Variants in EXD2 observed in about 807,000 individuals in gnomAD.
EXD2 encodes the protein exonuclease 3'-5' domain-containing protein 2.
Under a neutral mutation model 62.5 loss-of-function variants are expected in EXD2, and 40 were observed. The observed-to-expected ratio is 0.64, with a 90% confidence interval of 0.50 to 0.83. The LOEUF (loss-of-function observed/expected upper bound fraction) is 0.83. Ranked by LOEUF, EXD2 falls within the 40% of genes least tolerant of loss-of-function variation. The pLI, the probability that EXD2 is intolerant of heterozygous loss-of-function variation, is 0.00. For synonymous variants in EXD2, 239 were observed against 291.9 expected, an observed-to-expected ratio of 0.82 and a Z score of 1.85; for missense variants, 671 against 761.8, an observed-to-expected ratio of 0.88 and a Z score of 1.40.
At chr14:69,229,104 A>G (rs1211315879) in intron 4 of EXD2, 32 bp downstream of exon 4, 13 of 1,609,460 alleles carry the variant, frequency 8.1e-6, no homozygotes, top group Non-Finnish European at 1.1e-5. Flanking sequence ...GGATTCCTAT[A>G]GCTGCGGGAC....
chr14:69,231,978 C>A (rs1215964584), intron 5 of EXD2, among the ~76,000 whole-genome samples: 1 of 145,742 alleles, frequency 6.9e-6, no homozygotes, highest in African/African-American at 2.5e-5. Flanking sequence ...AGTTTCTCCA[C>A]AGATGAATCT....
chr14:69,237,727 A>C lies in EXD2; in HGVS notation c.1445A>C (p.Gln482Pro), dbSNP rs2140045188. The C allele has an allele frequency of 3.1e-6, 5 of 1,614,050 alleles. No individual in the cohort carries two copies. In the South Asian group the frequency reaches 5.5e-5, roughly 18 times the overall value. The change falls in exon 9 of 10, where the codon CAG (glutamine) becomes CCG (proline). Residue 482 changes from glutamine (Q) to proline (P), a missense_variant. Physicochemically the swap from Gln to Pro is moderately conservative, Grantham distance 76 (BLOSUM62 -1). Transcript: ENST00000685843. The part of the protein sequence containing the change: ...HLKQQLAKEF[Q>P]APIGSEEGLR... ...AAGCAGCAGCTGGCCAAGGAGTTCC[A>C]GGCCCCCATCGGCTCTGAGGAGGGC...
In EXD2 at chr14:69,212,268, T is replaced by C. The variant is rs145353398; in HGVS notation, c.333+2465T>C. Among the ~76,000 whole-genome samples the C allele has an allele frequency of 2.1e-3, 319 of 152,086 alleles. 3 individuals carry two copies. Among genetic ancestry groups the C allele is most frequent in the African/African-American group, 7.2e-3 (297 of 41,476 alleles). On this transcript the variant is annotated intron_variant, in intron 3 of 9. Transcript: ENST00000685843. ...AGCAGGCGCCTGTAATCCTAGCTAC[T>C]TGGGAGGCTGAGGCAGGAGAATTGC...
At chr14:69,197,239 A>T (rs1222837014) in intron 1 of EXD2, among the ~76,000 whole-genome samples, 1 of 152,244 alleles carries the variant, frequency 6.6e-6, no homozygotes, top group African/African-American at 2.4e-5. Context: ...ATATTAAAAA[A>T]TAAAGAACAG....
chr14:69,199,117 G>A (rs759012657), intron 1 of EXD2, among the ~76,000 whole-genome samples: 1 of 152,160 alleles, frequency 6.6e-6, no homozygotes, highest in Non-Finnish European at 1.5e-5. Context: ...GGTGGCACAC[G>A]CCTGTAGCCC....
intron 1 of EXD2, among the ~76,000 whole-genome samples, chr14:69,202,624 C>T (rs1456328614): frequency 6.6e-6 from 1 of 151,894 alleles, no homozygotes; most frequent in Non-Finnish European, 1.5e-5. Flanking sequence ...GAATGAATCC[C>T]TTGGCTGGAA....
At chr14:69,214,113 T>C (rs1007579089) in intron 3 of EXD2, 3 of 152,206 alleles carry the variant, frequency 2.0e-5, no homozygotes, top group African/African-American at 7.2e-5. Flanking sequence ...TAGTATTCCA[T>C]TGCCTTCTGG....
chr14:69,201,805 C>T (rs2042416052), intron 1 of EXD2, among the ~76,000 whole-genome samples: 3 of 151,386 alleles, frequency 2.0e-5, no homozygotes, highest in African/African-American at 4.9e-5. Context: ...GCCTCAGCCT[C>T]CTGAGTAGCT....
At chr14:69,191,941 A>G (rs1297527909) in intron 1 of EXD2, 1 of 152,112 alleles carries the variant, frequency 6.6e-6, no homozygotes, top group Non-Finnish European at 1.5e-5. Context: ...TGCGTGTCCC[A>G]GTCAGCTAAA....
intron 3 of EXD2, among the ~76,000 whole-genome samples, chr14:69,216,045 T>C (rs770141683): frequency 6.6e-6 from 1 of 152,222 alleles, no homozygotes; most frequent in Non-Finnish European, 1.5e-5. Flanking sequence ...TCTCCCCATG[T>C]CATTTTCTTG....
intron 3 of EXD2, among the ~76,000 whole-genome samples, chr14:69,220,882 A>G (rs2043162732): frequency 1.3e-5 from 2 of 151,990 alleles, no homozygotes; most frequent in South Asian, 4.2e-4. Context: ...TCAATCAATC[A>G]ATAAGAGATA....
intron 5 of EXD2, among the ~76,000 whole-genome samples, chr14:69,233,958 G>A (rs1594779387): frequency 6.6e-6 from 1 of 152,008 alleles, no homozygotes. Context: ...GTAGAGACAG[G>A]GTTTCACCAT....
Position 69,193,250 on chromosome 14 carries a change from G to A in EXD2, c.-132+1659G>A, listed in dbSNP as rs541872910. ...ATTTTTGTATTTTTAGTAGAGACGG[G>A]GTTTCACCGTATTTGCCAGGCTGGT... is the stretch of plus-strand genomic sequence containing the variant. On this transcript the variant is annotated intron_variant, in intron 1 of 9. Transcript: ENST00000685843. 1.1e-4 allele frequency among the ~76,000 whole-genome samples: 17 copies of A among 152,176 alleles called. No individual in the cohort carries two copies. In the East Asian group the frequency reaches 3.3e-3, roughly 29 times the overall value.
intron 1 of EXD2, among the ~76,000 whole-genome samples, chr14:69,200,438 A>C (rs557302811): frequency 6.6e-6 from 1 of 152,272 alleles, no homozygotes; most frequent in East Asian, 1.9e-4. Flanking sequence ...GTGGTGGCTC[A>C]GGCCTGTAAT....
At chr14:69,240,805 G>T in intron 9 of EXD2, 79 bp from the exon 10 acceptor site, 1 of 1,266,888 alleles carries the variant, frequency 7.9e-7, no homozygotes. Flanking sequence ...GTTACCCTTG[G>T]CGCGCAGCAT....
intron 5 of EXD2, among the ~76,000 whole-genome samples, chr14:69,234,273 A>G (rs1420188923): frequency 3.3e-5 from 5 of 152,192 alleles, no homozygotes; most frequent in Admixed American, 2.6e-4. Context: ...AGGCCTCTTA[A>G]TGAATCATGA....
intron 3 of EXD2, chr14:69,210,044 T>C (rs935307171): frequency 2.3e-5 from 8 of 345,298 alleles, no homozygotes; most frequent in Admixed American, 8.7e-5. Flanking sequence ...TCCCCACTTA[T>C]CATTCCGTGA....
chr14:69,209,946 C>A, intron 3 of EXD2, 143 bp downstream of exon 3: 1 of 651,696 alleles, frequency 1.5e-6, no homozygotes, highest in Non-Finnish European at 2.4e-6. Context: ...CAGATTTTAG[C>A]AGAAGAAGAA....
chr14:69,210,598 G>C (rs4902701), intron 3 of EXD2, among the ~76,000 whole-genome samples: 152,254 of 152,264 alleles, frequency 1, 76,122 homozygotes, highest in Middle Eastern at 1. Flanking sequence ...CAGTTGAGGC[G>C]GGGAGTTTAA....
Sources: gnomAD v4.1 joint callset for allele counts (sites outside exome capture counted in the v4.1 genomes callset) on GRCh38, gnomAD v4.1.1 for gene constraint, MANE v1.5 for transcripts, NCBI Gene and HGNC (gene_info 2026-07-23, HGNC 2026-07-21) for gene names.